EPHB2: variants seen among roughly 807,000 people sequenced by gnomAD.
EPHB2 encodes the protein EPH receptor B2.
A neutral mutation model predicts 96.4 loss-of-function variants in EPHB2; 18 were observed. The ratio of observed to expected loss-of-function variants is 0.19; its 90% CI spans 0.13 to 0.28. EPHB2 has a LOEUF of 0.28. Among genes scored for constraint, EPHB2 ranks in the 10% least tolerant of loss-of-function variants. The probability of loss-of-function intolerance (pLI) is 1.00; values close to 1 mark genes in which losing one functional copy is unlikely to be tolerated. For missense variants in EPHB2, 989 were observed against 1,355.4 expected (o/e 0.73, Z 4.25); for synonymous variants, 506 against 534.1 (o/e 0.95, Z 0.72).
chr1:22,711,060 G>GCGGGCGGGCGATGGGGGCGGGGAGCGGC lies in EPHB2; in HGVS notation c.61+23_61+50dup, dbSNP rs1643123768. ...CCGTGGAAGGTGAGCGAGCGGGCGG[G>GCGGGCGGGCGATGGGGGCGGGGAGCGGC]CGGGCGGGCGATGGGGGCGGGGAGC... On this transcript the variant is annotated intron_variant, in intron 1 of 15. Transcript: ENST00000374630. 1.3e-5 allele frequency: 2 copies of GCGGGCGGGCGATGGGGGCGGGGAGCGGC among 148,298 alleles called. No homozygotes were observed. The highest frequency in any genetic ancestry group is 3.0e-5 in the Non-Finnish European group (2 of 66,946). The allele number at this position is 148,298 out of a possible 1,614,324, so 9.2% of individuals were successfully genotyped here. A position where few individuals can be genotyped will look rare whatever the true frequency, so the allele number is the denominator to read the frequency against.
chr1:22,775,139 T>C, intron 1 of EPHB2: 1 of 776,384 alleles, frequency 1.3e-6, no homozygotes, highest in Non-Finnish European at 2.4e-6. Context: ...TGTTTTGTGT[T>C]GTCTGTTTTT....
At chr1:22,807,611 C>T (rs1644945207) in intron 3 of EPHB2, among the ~76,000 whole-genome samples, 1 of 152,174 alleles carries the variant, frequency 6.6e-6, no homozygotes, top group Admixed American at 6.5e-5. Context: ...CAGCCACATC[C>T]ATGCCCTCCA....
chr1:22,883,308 A>T (rs1345865594), intron 6 of EPHB2, among the ~76,000 whole-genome samples: 4 of 152,224 alleles, frequency 2.6e-5, no homozygotes, highest in African/African-American at 4.8e-5. Flanking sequence ...GGCAATGGTG[A>T]CAGGATGGGA....
intron 1 of EPHB2, among the ~76,000 whole-genome samples, chr1:22,739,125 G>A (rs543385624): frequency 2.6e-5 from 4 of 152,016 alleles, no homozygotes; most frequent in Non-Finnish European, 4.4e-5. Flanking sequence ...CTGCAGCCTC[G>A]AACTCCTGGG....
At chr1:22,734,438 T>G (rs1388252428) in intron 1 of EPHB2, among the ~76,000 whole-genome samples, 3 of 151,430 alleles carry the variant, frequency 2.0e-5, no homozygotes, top group East Asian at 1.9e-4. Context: ...TTTTTTTTTT[T>G]TGAGACTGAG....
In EPHB2 at chr1:22,908,007, G is replaced by A. The variant is rs142161660; in HGVS notation, c.2191G>A (p.Ala731Thr). 1.3e-4 allele frequency: 206 copies of A among 1,614,116 alleles called. No homozygotes were observed. The highest frequency in any genetic ancestry group is 1.6e-4 in the Non-Finnish European group (192 of 1,180,046). ...IQLVGMLRGI[A>T]AGMKYLADMN... ...GCTGGTGGGCATGCTTCGGGGCATC[G>A]CAGCTGGCATGAAGTACCTGGCAGA... The change falls in exon 12 of 16, where the codon GCA (alanine) becomes ACA (threonine). Residue 731 changes from alanine to threonine, a missense_variant. Physicochemically the swap from Ala to Thr is moderately conservative, Grantham distance 58. Transcript: ENST00000374630.
chr1:22,797,489 G>A (rs932051944), intron 3 of EPHB2, among the ~76,000 whole-genome samples: 8 of 152,028 alleles, frequency 5.3e-5, no homozygotes, highest in African/African-American at 1.9e-4. Context: ...CCACCTTGGA[G>A]GGCCCCAGTG....
In EPHB2 at chr1:22,717,997, T is replaced by C. The variant is rs143654878; in HGVS notation, c.61+6954T>C. Among the ~76,000 whole-genome samples the C allele has an allele frequency of 3.4e-3, 511 of 152,336 alleles. 2 individuals carry two copies. Among genetic ancestry groups the C allele is most frequent in the African/African-American group, 0.012 (497 of 41,584 alleles). ...TGTGTTAATCTGAGGAAGACTAAGC[T>C]GAGTGTGTGCCTCAGGTGTGCTAAG... On this transcript the variant is annotated intron_variant, in intron 1 of 15. Transcript: ENST00000374630.
rs540944357 is a variant in EPHB2 at position 22,779,928 on chromosome 1, C to T, written c.62-1493C>T. 7.9e-5 allele frequency among the ~76,000 whole-genome samples: 12 copies of T among 152,306 alleles called. No individual in the cohort carries two copies. In the South Asian group the frequency reaches 1.2e-3, roughly 16 times the overall value. On this transcript the variant is annotated intron_variant, in intron 1 of 15. Coordinates refer to ENST00000374630, the MANE Select transcript of EPHB2 (RefSeq NM_017449.5). ...ATACCTCTCACCCACTCTCACTGAGCAAGGTGGTGTCACTGTGACCTTCTA... is the reference window on the plus strand; with the variant it reads ...ATACCTCTCACCCACTCTCACTGAGTAAGGTGGTGTCACTGTGACCTTCTA...
chr1:22,812,180 T>C (rs571259918), intron 3 of EPHB2, among the ~76,000 whole-genome samples: 3 of 152,004 alleles, frequency 2.0e-5, no homozygotes, highest in Admixed American at 6.5e-5. Context: ...GAGGATGAAA[T>C]TGTAGTGAAT....
chr1:22,713,284 G>A (rs1277237117), intron 1 of EPHB2, among the ~76,000 whole-genome samples: 1 of 152,182 alleles, frequency 6.6e-6, no homozygotes, highest in Non-Finnish European at 1.5e-5. Context: ...ATGGTGTGAG[G>A]TGGAGGTCAG....
chr1:22,830,390 G>A (rs948696516), intron 3 of EPHB2, among the ~76,000 whole-genome samples: 29 of 152,200 alleles, frequency 1.9e-4, no homozygotes, highest in Non-Finnish European at 1.8e-4. Flanking sequence ...AGACAGGCCT[G>A]TGCTTGAATC....
In EPHB2 at chr1:22,892,992, G is replaced by A. The variant is rs531840904; in HGVS notation, c.1537G>A (p.Val513Met). ...TGTCTTCCAGGTGCGGGCACGCACC[G>A]TGGCAGGTTACGGGCGCTACAGCGG... ...IYVFQVRART[V>M]AGYGRYSGKM... Residue 513 changes from valine (V) to methionine (M), a missense_variant, in exon 7 of 16, where the codon GTG (valine) becomes ATG (methionine). Coordinates refer to ENST00000374630, the MANE Select transcript of EPHB2 (RefSeq NM_017449.5). 9.9e-6 allele frequency: 16 copies of A among 1,614,106 alleles called. No homozygotes were observed. Among genetic ancestry groups the A allele is most frequent in the Non-Finnish European group, 1.3e-5 (15 of 1,180,026 alleles).
chr1:22,784,929 G>T lies in EPHB2; in HGVS notation c.664G>T (p.Ala222Ser). The T allele has an allele frequency of 6.2e-7, 1 of 1,613,924 alleles. No homozygotes were observed. Among genetic ancestry groups the T allele is most frequent in the Non-Finnish European group, 8.5e-7 (1 of 1,180,050 alleles). Residue 222 changes from alanine (A) to serine (S), a missense_variant, in exon 3 of 16, where the codon GCC (alanine) becomes TCC (serine). Coordinates refer to ENST00000374630, the MANE Select transcript of EPHB2 (RefSeq NM_017449.5). The surrounding 1 kb of genome is among the most constrained non-coding windows in gnomAD (Gnocchi z 5.1). Reference protein sequence around the residue: ...SGAESTSLVAARGSCIANAEE... With the variant: ...SGAESTSLVASRGSCIANAEE... ...GGCTGAGAGCACATCGCTGGTGGCT[G>T]CCCGGGGCAGCTGCATCGCCAATGC... is the stretch of plus-strand genomic sequence containing the variant.
At chr1:22,893,183 C>G in intron 7 of EPHB2, 137 bp downstream of exon 7, 1 of 1,368,844 alleles carries the variant, frequency 7.3e-7, no homozygotes, top group Admixed American at 1.9e-5. Context: ...TCCCTCCCTC[C>G]TAATTTCGAA....
At chr1:22,881,635 C>T (rs1027438957) in intron 5 of EPHB2, among the ~76,000 whole-genome samples, 1 of 152,176 alleles carries the variant, frequency 6.6e-6, no homozygotes, top group African/African-American at 2.4e-5. Context: ...ACTCTTGTTG[C>T]CCAGGCTGGA....
At chr1:22,734,549 A>G (rs1557642852) in intron 1 of EPHB2, among the ~76,000 whole-genome samples, 1 of 151,740 alleles carries the variant, frequency 6.6e-6, no homozygotes, top group Non-Finnish European at 1.5e-5. Context: ...AGCCTCCCGA[A>G]TAGCTGGGAT....
intron 1 of EPHB2, among the ~76,000 whole-genome samples, chr1:22,729,333 T>C (rs1643653002): frequency 6.6e-6 from 1 of 152,206 alleles, no homozygotes; most frequent in Admixed American, 6.5e-5. Context: ...CCCTGGCCCA[T>C]AGCCACACTG....
At chr1:22,854,658 G>C (rs116254529) in intron 3 of EPHB2, among the ~76,000 whole-genome samples, 2,329 of 152,292 alleles carry the variant, frequency 0.015, 52 homozygotes, top group African/African-American at 0.051. Flanking sequence ...CATTGCACAG[G>C]GTGGTCCAAG....
Sources: gnomAD v4.1 joint callset for allele counts (sites outside exome capture counted in the v4.1 genomes callset) on GRCh38, gnomAD v4.1.1 for gene constraint, Gnocchi (gnomAD v3.1) non-coding constraint, MANE v1.5 for transcripts, NCBI Gene and HGNC (gene_info 2026-07-23, HGNC 2026-07-21) for gene names.